The following CEACAM19 variants were observed in gnomAD, a reference collection of about 807,000 sequenced individuals.
CEACAM19 encodes the protein cell adhesion molecule CEACAM19.
A neutral mutation model predicts 37.6 loss-of-function variants in CEACAM19; 37 were observed. That is an observed-to-expected ratio of 0.98 (90% CI 0.76 to 1.29). The LOEUF is 1.29. Among genes scored for constraint, CEACAM19 ranks in the 50% most tolerant of loss-of-function variants. The probability of loss-of-function intolerance (pLI) is 0.00; values close to 1 mark genes in which losing one functional copy is unlikely to be tolerated. For missense variants in CEACAM19, 340 were observed against 375.6 expected, an observed-to-expected ratio of 0.91 and a Z score of 0.78; for synonymous variants, 140 against 149.8, an observed-to-expected ratio of 0.93 and a Z score of 0.48.
Position 44,682,567 on chromosome 19 carries a change from C to A in CEACAM19, c.793C>A (p.Pro265Thr). 1.2e-6 allele frequency: 2 copies of A among 1,600,456 alleles called. No individual in the cohort carries two copies. Among genetic ancestry groups the A allele is most frequent in the Non-Finnish European group, 1.7e-6 (2 of 1,173,742 alleles). ...SDTRSINPAR[P>T]LPTPPHLQAE... The stretch of plus-strand genomic sequence containing the variant: ...ACTCACCCGTGTCCTTCCCTTGCAG[C>A]CCCTGCCCACACCCCCACACCTGCA... The change falls in exon 7 of 8, where the codon CCC (proline) becomes ACC (threonine). Residue 265 changes from proline (P) to threonine (T), a missense_variant and splice_region_variant. By Grantham distance (38) the Pro-to-Thr change is conservative. Coordinates refer to ENST00000358777, the MANE Select transcript of CEACAM19 (RefSeq NM_001127893.3).
intron 4 of CEACAM19, among the ~76,000 whole-genome samples, chr19:44,679,718 C>T (rs1336396545): frequency 6.6e-6 from 1 of 151,668 alleles, no homozygotes; most frequent in African/African-American, 2.4e-5. Context: ...CACTGCACTC[C>T]AGCCTGGGCG....
rs1256380278 is a variant in CEACAM19, at chr19:44,671,795, G to A, written c.-137G>A. The stretch of plus-strand genomic sequence containing the variant: ...CCCATGGACAGGGCATGCTGGGGCT[G>A]GGCCAGCCCCAGCGGTGTCTCTAAG... On this transcript the variant is annotated 5_prime_UTR_variant, in exon 1 of 8. An upstream open reading frame in the 5' UTR gains an earlier in-frame stop. Coordinates refer to ENST00000358777, the MANE Select transcript of CEACAM19 (RefSeq NM_001127893.3). 8 of 652,286 alleles carry A rather than the reference G, an allele frequency of 1.2e-5. No homozygotes were observed. The African/African-American group carries it at 1.3e-4, about 10-fold the overall frequency. The allele number at this position is 652,286 out of a possible 1,614,324, so 40.4% of individuals were successfully genotyped here. A position where few individuals can be genotyped will look rare whatever the true frequency, so the allele number is the denominator to read the frequency against.
At chr19:44,667,655 G>T (rs1228873755), upstream of CEACAM19, among the ~76,000 whole-genome samples, 29 of 66,088 alleles carry the variant, frequency 4.4e-4, no homozygotes, top group South Asian at 1.1e-3. Context: ...ATATTATATA[G>T]ATATATAAAT....
chr19:44,683,626 G>A lies in CEACAM19; in HGVS notation c.*136G>A. On this transcript the variant is annotated 3_prime_UTR_variant, in exon 8 of 8. Coordinates refer to ENST00000358777, the MANE Select transcript of CEACAM19 (RefSeq NM_001127893.3). The stretch of plus-strand genomic sequence containing the variant: ...GGTGGACTCAGCCAAAGACTCAGCA[G>A]CACATGGGGCAGGTGTCCTGGCAGG... The A allele has an allele frequency of 2.0e-6, 1 of 509,410 alleles. No individual in the cohort carries two copies. Among genetic ancestry groups the A allele is most frequent in the Non-Finnish European group, 3.5e-6 (1 of 285,186 alleles). 31.6% of individuals were successfully genotyped at this position (509,410 alleles called of 1,614,324 possible). A position where few individuals can be genotyped will look rare whatever the true frequency, so the allele number is the denominator to read the frequency against.
chr19:44,681,626 G>T (rs1203691170), intron 6 of CEACAM19, among the ~76,000 whole-genome samples: 1 of 152,068 alleles, frequency 6.6e-6, no homozygotes, highest in Non-Finnish European at 1.5e-5. Context: ...ATAACGAAAG[G>T]TTTATAAAAA....
At chr19:44,668,563 T>C (rs868721624), upstream of CEACAM19, among the ~76,000 whole-genome samples, 8 of 22,084 alleles carry the variant, frequency 3.6e-4, no homozygotes, top group East Asian at 1.9e-3. Context: ...ATTATATACA[T>C]ATTATATATG....
chr19:44,668,525 AT>A (rs1973791514), upstream of CEACAM19, among the ~76,000 whole-genome samples: 1 of 67,108 alleles, frequency 1.5e-5, no homozygotes, highest in South Asian at 4.3e-4. Context: ...TATAATATAA[AT>A]ATATAATATA....
chr19:44,676,237 T>TC (rs1161522917), intron 2 of CEACAM19, 34 bp from the exon 3 acceptor site: 1 of 1,609,380 alleles, frequency 6.2e-7, no homozygotes. Flanking sequence ...CATCGCACAG[T>TC]CCCCCCTCTC....
chr19:44,683,158 A>G (rs1974094608), intron 7 of CEACAM19: 1 of 369,290 alleles, frequency 2.7e-6, no homozygotes, highest in East Asian at 4.2e-5. Context: ...TCTAAGATGC[A>G]TCTCTTTACA....
At chr19:44,672,419 A>T (rs144335629) in intron 1 of CEACAM19, 177 bp from the exon 2 acceptor site, 4 of 634,456 alleles carry the variant, frequency 6.3e-6, no homozygotes, top group South Asian at 3.7e-5. Context: ...TGTGGTAACC[A>T]TGCCTGTGTT....
At chr19:44,680,744 G>A (rs1271559358) in intron 5 of CEACAM19, among the ~76,000 whole-genome samples, 1 of 152,050 alleles carries the variant, frequency 6.6e-6, no homozygotes, top group Non-Finnish European at 1.5e-5. Context: ...CTGTGCCCTT[G>A]GGACAAAGTT....
chr19:44,680,677 G>T (rs1288851300), intron 5 of CEACAM19, among the ~76,000 whole-genome samples: 1 of 151,960 alleles, frequency 6.6e-6, no homozygotes, highest in African/African-American at 2.4e-5. Flanking sequence ...CCAGGACAAG[G>T]TCTTTCTAAA....
At chr19:44,682,852 C>G in intron 7 of CEACAM19, 2 of 487,118 alleles carry the variant, frequency 4.1e-6, no homozygotes, top group Non-Finnish European at 7.3e-6. Context: ...GGATCCAAAA[C>G]CTTGAACTTG....
At chr19:44,677,698 T>TTC (rs1973977343) in intron 3 of CEACAM19, 2 of 150,852 alleles carry the variant, frequency 1.3e-5, no homozygotes, top group African/African-American at 4.9e-5. Flanking sequence ...TCTTCTTCTT[T>TTC]TTTTTTTTTG....
At chr19:44,680,077 G>A (rs958261970) in intron 4 of CEACAM19, among the ~76,000 whole-genome samples, 1 of 152,120 alleles carries the variant, frequency 6.6e-6, no homozygotes, top group African/African-American at 2.4e-5. Flanking sequence ...CTATTCATTG[G>A]CATAAGGTGG....
At chr19:44,669,279 T>C (rs1344000638), upstream of CEACAM19, among the ~76,000 whole-genome samples, 2 of 152,034 alleles carry the variant, frequency 1.3e-5, no homozygotes, top group Non-Finnish European at 2.9e-5. Context: ...CCACCAAGCC[T>C]ACCTAATTTT....
At position 44,672,738 on chromosome 19, in the gene CEACAM19, C is replaced by T. The variant is rs1296876936; in HGVS notation, c.198C>T (p.Tyr66=). ...VPDTFQDFNW[Y]LGEETYGGTR... ...ACACCTTCCAGGACTTCAACTGGTA[C>T]CTGGGGGAGGAGACGTACGGAGGCA... Residue 66 remains tyrosine, a synonymous_variant, in exon 2 of 8, where the codon TAC becomes TAT. Transcript: ENST00000358777. 1.3e-6 allele frequency: 2 copies of T among 1,584,370 alleles called. No homozygotes were observed. Among genetic ancestry groups the T allele is most frequent in the African/African-American group, 1.4e-5 (1 of 74,052 alleles).
At chr19:44,677,250 T>G (rs1248115606) in intron 3 of CEACAM19, among the ~76,000 whole-genome samples, 5 of 152,180 alleles carry the variant, frequency 3.3e-5, no homozygotes, top group Admixed American at 2.0e-4. Flanking sequence ...CAGGGAAAGC[T>G]CTGATTGGCC....
chr19:44,680,579 C>T (rs1432381944), intron 5 of CEACAM19, among the ~76,000 whole-genome samples: 1 of 151,998 alleles, frequency 6.6e-6, no homozygotes, highest in Non-Finnish European at 1.5e-5. Context: ...TGGATCCCAT[C>T]CACCTCCACA....
Sources: allele counts gnomAD v4.1 joint callset (sites outside exome capture counted in the v4.1 genomes callset), GRCh38; gene constraint gnomAD v4.1.1; transcripts MANE v1.5; gene names NCBI Gene and HGNC (gene_info 2026-07-23, HGNC 2026-07-21).